Variants in GRK4 observed in about 807,000 individuals in gnomAD.
GRK4 encodes the protein G protein-coupled receptor kinase 4, also known as G protein-coupled receptor kinase 2-like.
Under a neutral mutation model 77.9 loss-of-function variants are expected in GRK4, and 73 were observed. The observed-to-expected ratio is 0.94, with a 90% CI of 0.78 to 1.14. The LOEUF (loss-of-function observed/expected upper bound fraction) is 1.14, where lower values mean the gene tolerates loss of function less well. Among genes scored for constraint, GRK4 ranks in the 50% most tolerant of loss-of-function variants. The pLI is 0.00. For missense variants in GRK4, 729 were observed against 700.2 expected, an observed-to-expected ratio of 1.04 and a Z score of -0.46; for synonymous variants, 257 against 254.4, an observed-to-expected ratio of 1.01 and a Z score of -0.10.
intron 9 of GRK4, 104 bp downstream of exon 9, chr4:3,019,935 A>T (rs1334781281): frequency 9.1e-7 from 1 of 1,102,196 alleles, no homozygotes; most frequent in East Asian, 2.4e-5. Flanking sequence ...TGGGCAGGAG[A>T]ATAGCTGGGA....
chr4:3,029,335 G>C lies in GRK4; in HGVS notation c.1195G>C (p.Asp399His), dbSNP rs771111205. 24 of 1,613,952 alleles carry C rather than the reference G, an allele frequency of 1.5e-5. No homozygotes were observed. The highest frequency in any genetic ancestry group is 1.8e-5 in the Non-Finnish European group (21 of 1,179,994). ...YKEKVKWEEV[D>H]QRIKNDTEEY... ...AGAGAAAGTCAAATGGGAGGAGGTC[G>C]ATCAAAGAATCAAGAATGATACCGA... The change falls in exon 12 of 16, where the codon GAT (aspartate) becomes CAT (histidine). Residue 399 changes from aspartate to histidine, a missense_variant. Coordinates refer to ENST00000398052, the MANE Select transcript of GRK4 (RefSeq NM_182982.3).
chr4:3,009,561 G>T, intron 6 of GRK4, 87 bp from the exon 7 acceptor site: 2 of 955,234 alleles, frequency 2.1e-6, no homozygotes, highest in Non-Finnish European at 3.3e-6. Context: ...TTCAATAAAT[G>T]AGGCGAAGAC....
At chr4:2,982,222 C>T (rs1207087788) in intron 1 of GRK4, among the ~76,000 whole-genome samples, 1 of 152,366 alleles carries the variant, frequency 6.6e-6, no homozygotes. Context: ...AGGGCTCCCA[C>T]CTGTTCCTGG....
chr4:3,015,399 T>C (rs1734138483), intron 8 of GRK4, among the ~76,000 whole-genome samples: 1 of 152,284 alleles, frequency 6.6e-6, no homozygotes, highest in African/African-American at 2.4e-5. Flanking sequence ...AATAGCACAG[T>C]GTGGGGCCGG....
At chr4:3,009,510 C>T (rs980716548) in intron 6 of GRK4, 138 bp from the exon 7 acceptor site, 1 of 601,484 alleles carries the variant, frequency 1.7e-6, no homozygotes, top group African/African-American at 1.8e-5. Flanking sequence ...TCCCTGAGCA[C>T]AGACACCCTT....
At position 2,965,501 on chromosome 4, in the gene GRK4, A is replaced by G. The variant is rs903611529; in HGVS notation, c.52+1379A>G. 5.7e-6 allele frequency: 4 copies of G among 702,222 alleles called. No individual in the cohort carries two copies. In the Admixed American group the frequency reaches 8.0e-5, roughly 14 times the overall value. The allele number at this position is 702,222 out of a possible 1,614,324, so 43.5% of individuals were successfully genotyped here. On this transcript the variant is annotated intron_variant, in intron 1 of 15. Transcript: ENST00000398052. ...CTCTGCTCGGACTGTGCTCCAGGAC[A>G]GTGTAAATGCCGACTGAAGATGCCA...
intron 1 of GRK4, among the ~76,000 whole-genome samples, chr4:2,979,854 A>G (rs1182887727): frequency 3.3e-5 from 5 of 152,220 alleles, no homozygotes; most frequent in African/African-American, 1.2e-4. Context: ...AGCCTGGGTG[A>G]CAGAGCAAGA....
intron 1 of GRK4, among the ~76,000 whole-genome samples, chr4:2,973,876 G>T (rs559345999): frequency 5.2e-4 from 79 of 152,254 alleles, no homozygotes; most frequent in African/African-American, 1.8e-3. Context: ...TCTCTGCAGT[G>T]GCCTTAAGAC....
chr4:3,035,690 TG>T (rs1046527839), intron 13 of GRK4, among the ~76,000 whole-genome samples, 167 bp downstream of exon 13: 35 of 152,194 alleles, frequency 2.3e-4, no homozygotes, highest in African/African-American at 7.0e-4. Context: ...CCCACAGTGC[TG>T]GGATTATAGG....
rs780465081 is a variant in GRK4, at chr4:2,992,295, G to A, written c.339+3G>A. On this transcript the variant is annotated splice_donor_region_variant and intron_variant, in intron 4 of 15. Coordinates refer to ENST00000398052, the MANE Select transcript of GRK4 (RefSeq NM_182982.3). ...TAGATAGATTCTTCAATGATAAGGT[G>A]TGTTTTCTTCTTTAGAATAAAAATT... is the stretch of plus-strand genomic sequence containing the variant. 1.3e-6 allele frequency: 2 copies of A among 1,579,940 alleles called. No homozygotes were observed. Among genetic ancestry groups the A allele is most frequent in the Admixed American group, 1.7e-5 (1 of 59,842 alleles).
intron 9 of GRK4, 98 bp from the exon 10 acceptor site, chr4:3,022,316 G>A (rs1327188676): frequency 1.4e-5 from 17 of 1,173,966 alleles, no homozygotes; most frequent in East Asian, 9.5e-5. Context: ...GTGTTTTGCC[G>A]CGCTAGCCCT....
chr4:3,014,605 C>T (rs1166729799), intron 8 of GRK4, among the ~76,000 whole-genome samples: 1 of 151,928 alleles, frequency 6.6e-6, no homozygotes, highest in Non-Finnish European at 1.5e-5. Context: ...ACCAGCCTGA[C>T]CAACATGGTG....
intron 1 of GRK4, among the ~76,000 whole-genome samples, chr4:2,976,850 G>A (rs1288980714): frequency 1.3e-5 from 2 of 152,178 alleles, no homozygotes; most frequent in Admixed American, 1.3e-4. Flanking sequence ...TGTTGGTCAG[G>A]CTGGTCTCAA....
At chr4:2,995,676 A>C (rs978236746) in intron 4 of GRK4, among the ~76,000 whole-genome samples, 33 of 134,056 alleles carry the variant, frequency 2.5e-4, no homozygotes, top group Non-Finnish European at 9.2e-5. Flanking sequence ...ACTCCTTCTC[A>C]AAAAAAAAAA....
chr4:3,017,247 A>C (rs924898345), intron 8 of GRK4, among the ~76,000 whole-genome samples: 6 of 152,200 alleles, frequency 3.9e-5, no homozygotes, highest in Non-Finnish European at 8.8e-5. Flanking sequence ...CTGGGGTCTG[A>C]CTGCACTCTG....
chr4:3,035,719 G>A (rs1476756104), intron 13 of GRK4, among the ~76,000 whole-genome samples, 196 bp downstream of exon 13: 2 of 152,012 alleles, frequency 1.3e-5, no homozygotes, highest in Admixed American at 6.6e-5. Context: ...CACTGTGCCC[G>A]GCTGCAACAC....
Position 2,999,418 on chromosome 4 carries a change from A to G in GRK4, c.340-4813A>G, listed in dbSNP as rs538515728. ...AGGTCCCACCTCTCAACACTGTTGC[A>G]TTGGGAATTAAGCTACCAACACATG... is the stretch of plus-strand genomic sequence containing the variant. On this transcript the variant is annotated intron_variant, in intron 4 of 15. Coordinates refer to ENST00000398052, the MANE Select transcript of GRK4 (RefSeq NM_182982.3). Among the ~76,000 whole-genome samples the G allele has an allele frequency of 1.8e-4, 27 of 152,316 alleles. No individual in the cohort carries two copies. In the South Asian group the frequency reaches 5.6e-3, roughly 32 times the overall value.
intron 3 of GRK4, among the ~76,000 whole-genome samples, chr4:2,989,780 T>C (rs115301493): frequency 0.016 from 2,486 of 152,324 alleles, 60 homozygotes; most frequent in African/African-American, 0.057. Flanking sequence ...AACATTCTCA[T>C]GTATCCTGTT....
At chr4:2,998,885 G>C (rs1371285811) in intron 4 of GRK4, among the ~76,000 whole-genome samples, 1 of 151,828 alleles carries the variant, frequency 6.6e-6, no homozygotes, top group Non-Finnish European at 1.5e-5. Flanking sequence ...GAACTCATAT[G>C]GATAGTCAAG....
Sources: allele counts gnomAD v4.1 joint callset (sites outside exome capture counted in the v4.1 genomes callset), GRCh38; gene constraint gnomAD v4.1.1; transcripts MANE v1.5; gene names NCBI Gene and HGNC (gene_info 2026-07-23, HGNC 2026-07-21).